EXOC4: variants seen among roughly 807,000 people sequenced by gnomAD.
The protein encoded by EXOC4 is SEC8-like 1.
Under a neutral mutation model 107.2 loss-of-function variants are expected in EXOC4, and 71 were observed. The ratio of observed to expected loss-of-function variants is 0.66; its 90% CI spans 0.55 to 0.81. The LOEUF (loss-of-function observed/expected upper bound fraction) is 0.81. EXOC4 is among the 30% of genes least tolerant of loss of function. The pLI is 0.00. For synonymous variants in EXOC4, 456 were observed against 441.2 expected, an observed-to-expected ratio of 1.03 and a Z score of -0.42; for missense variants, 1,108 against 1,189.6, an observed-to-expected ratio of 0.93 and a Z score of 1.01.
chr7:133,485,085 ATAAAT>A lies in EXOC4; in HGVS notation c.1417+4948_1417+4952del, dbSNP rs756954882. On this transcript the variant is annotated intron_variant, in intron 9 of 17. Coordinates refer to ENST00000253861, the MANE Select transcript of EXOC4 (RefSeq NM_021807.4). ...ACACAGCGAGACTCCGTCTCAAAAA[ATAAAT>A]AAATAAATAAATAAATAAATAAATA... Among the ~76,000 whole-genome samples, 30 of 128,896 alleles carry A rather than the reference ATAAAT, an allele frequency of 2.3e-4. 1 individual carries two copies. The highest frequency in any genetic ancestry group is 2.3e-4 in the South Asian group (1 of 4,296). 84.6% of individuals were successfully genotyped at this position (128,896 alleles called of 152,430 possible).
chr7:133,503,951 A>ATG (rs1491253068), intron 9 of EXOC4, among the ~76,000 whole-genome samples: 3 of 151,800 alleles, frequency 2.0e-5, no homozygotes, highest in Admixed American at 6.6e-5. Flanking sequence ...CTATTGTTAC[A>ATG]TGTGTGTGTG....
chr7:133,896,546 G>T (rs1799312926), intron 12 of EXOC4, among the ~76,000 whole-genome samples: 1 of 152,090 alleles, frequency 6.6e-6, no homozygotes, highest in Non-Finnish European at 1.5e-5. Context: ...GAATGGTTTT[G>T]CAGGTGAGGT....
At chr7:133,931,639 A>C (rs1800177945) in intron 13 of EXOC4, among the ~76,000 whole-genome samples, 2 of 152,216 alleles carry the variant, frequency 1.3e-5, no homozygotes, top group Admixed American at 1.3e-4. Flanking sequence ...TATAGAGCTG[A>C]GTCAAATAGG....
At chr7:133,454,834 C>G (rs1251205553) in intron 7 of EXOC4, among the ~76,000 whole-genome samples, 1 of 152,108 alleles carries the variant, frequency 6.6e-6, no homozygotes, top group African/African-American at 2.4e-5. Context: ...CACAGTGGCA[C>G]CTGTCTGTAA....
chr7:133,633,700 AAG>A (rs1802642539), intron 10 of EXOC4, among the ~76,000 whole-genome samples: 1 of 300 alleles, frequency 3.3e-3, no homozygotes, highest in Admixed American at 0.25. Flanking sequence ...CCTGGGCAAC[AAG>A]AGCGAAACTC....
chr7:133,338,143 T>C (rs550715360), intron 5 of EXOC4, among the ~76,000 whole-genome samples: 4 of 152,136 alleles, frequency 2.6e-5, no homozygotes, highest in Admixed American at 1.3e-4. Flanking sequence ...GGTTTGTTAC[T>C]CTTAAAAAAT....
chr7:133,833,624 A>C (rs866292417), intron 11 of EXOC4, among the ~76,000 whole-genome samples: 1 of 152,158 alleles, frequency 6.6e-6, no homozygotes. Context: ...GAGCAGTAGT[A>C]CAGTCATGGC....
At chr7:133,715,546 AAT>A (rs1432446566) in intron 10 of EXOC4, among the ~76,000 whole-genome samples, 1 of 152,056 alleles carries the variant, frequency 6.6e-6, no homozygotes, top group Admixed American at 6.6e-5. Flanking sequence ...AAGTTATAGT[AAT>A]ATAAAAAGTT....
chr7:133,887,947 A>C (rs1054804909), intron 11 of EXOC4, among the ~76,000 whole-genome samples: 2 of 152,196 alleles, frequency 1.3e-5, no homozygotes, highest in African/African-American at 2.4e-5. Context: ...GATCAGGGTG[A>C]AGCTGCAGTG....
At chr7:133,430,317 C>T (rs191189578) in intron 7 of EXOC4, among the ~76,000 whole-genome samples, 2 of 152,256 alleles carry the variant, frequency 1.3e-5, no homozygotes, top group Admixed American at 1.3e-4. Context: ...AGATGTGGGG[C>T]ATGGCGGGCC....
At chr7:133,342,358 T>C (rs889973910) in intron 5 of EXOC4, among the ~76,000 whole-genome samples, 1 of 152,206 alleles carries the variant, frequency 6.6e-6, no homozygotes, top group African/African-American at 2.4e-5. Context: ...AGGCTAAATA[T>C]AGTACCTCAA....
At chr7:133,292,457 G>T (rs908846494) in intron 3 of EXOC4, among the ~76,000 whole-genome samples, 1 of 151,952 alleles carries the variant, frequency 6.6e-6, no homozygotes, top group Non-Finnish European at 1.5e-5. Context: ...TCATTTTTTT[G>T]TTGTTGTCTT....
chr7:133,994,102 T>C (rs576401328), intron 14 of EXOC4, among the ~76,000 whole-genome samples: 258 of 152,320 alleles, frequency 1.7e-3, no homozygotes, highest in African/African-American at 6.0e-3. Flanking sequence ...ACAATCATCC[T>C]GCCACAAACA....
At chr7:133,860,300 C>T (rs781465548) in intron 11 of EXOC4, among the ~76,000 whole-genome samples, 2 of 152,194 alleles carry the variant, frequency 1.3e-5, no homozygotes, top group Non-Finnish European at 2.9e-5. Context: ...TCGGACAGCT[C>T]GCTCTCCCTT....
At chr7:133,490,671 T>C (rs1265251342) in intron 9 of EXOC4, among the ~76,000 whole-genome samples, 1 of 152,206 alleles carries the variant, frequency 6.6e-6, no homozygotes, top group African/African-American at 2.4e-5. Context: ...CAGATGAAAG[T>C]ACATCAAAGC....
the EXOC4 span, among the ~76,000 whole-genome samples, chr7:134,093,781 C>A: frequency 6.6e-6 from 1 of 152,138 alleles, no homozygotes; most frequent in Non-Finnish European, 1.5e-5. Context: ...TTCTTCAAAA[C>A]CACATAATTA....
At chr7:133,835,258 A>C (rs1797893987) in intron 11 of EXOC4, among the ~76,000 whole-genome samples, 1 of 152,204 alleles carries the variant, frequency 6.6e-6, no homozygotes, top group African/African-American at 2.4e-5. Flanking sequence ...TAGGAAGTTT[A>C]TTTTGCCAAA....
chr7:133,532,547 A>G (rs1800200214), intron 9 of EXOC4, among the ~76,000 whole-genome samples: 1 of 152,136 alleles, frequency 6.6e-6, no homozygotes, highest in African/African-American at 2.4e-5. Flanking sequence ...ATGAAGCATA[A>G]TGCTAAAAGA....
chr7:133,993,465 A>G (rs527737666), intron 14 of EXOC4, among the ~76,000 whole-genome samples: 2 of 152,314 alleles, frequency 1.3e-5, no homozygotes, highest in East Asian at 3.9e-4. Flanking sequence ...TACAGCATTA[A>G]AGTTATAATG....
Sources: allele counts gnomAD v4.1 joint callset (sites outside exome capture counted in the v4.1 genomes callset), GRCh38; gene constraint gnomAD v4.1.1; transcripts MANE v1.5; gene names NCBI Gene and HGNC (gene_info 2026-07-23, HGNC 2026-07-21).